The following EPHA3 variants were observed in gnomAD, a reference collection of about 807,000 sequenced individuals.
EPHA3 encodes the protein ephrin type-A receptor 3.
EPHA3 carries 42 observed loss-of-function variants against 107.1 expected under a neutral mutation model. That is an observed-to-expected ratio of 0.39 (90% CI 0.31 to 0.51). EPHA3 has a LOEUF of 0.51. Among genes scored for constraint, EPHA3 ranks in the 20% least tolerant of loss-of-function variants. The probability of loss-of-function intolerance (pLI) is 0.78; values close to 1 mark genes in which losing one functional copy is unlikely to be tolerated. For missense variants in EPHA3, 1,183 were observed against 1,211.2 expected, an observed-to-expected ratio of 0.98 and a Z score of 0.35; for synonymous variants, 461 against 424.8, an observed-to-expected ratio of 1.09 and a Z score of -1.05.
intron 3 of EPHA3, among the ~76,000 whole-genome samples, chr3:89,309,493 A>G (rs1381791114): frequency 1.3e-5 from 2 of 152,154 alleles, no homozygotes; most frequent in African/African-American, 4.8e-5. Context: ...TAGCCTCTCA[A>G]AGTCATGAGA....
chr3:89,469,110 C>T, intron 15 of EPHA3, among the ~76,000 whole-genome samples: 1 of 152,028 alleles, frequency 6.6e-6, no homozygotes, highest in East Asian at 1.9e-4. Context: ...TAAAACTAAA[C>T]TATATCAGAG....
At chr3:89,172,742 G>A (rs1378589829) in intron 2 of EPHA3, among the ~76,000 whole-genome samples, 4 of 152,094 alleles carry the variant, frequency 2.6e-5, no homozygotes, top group Non-Finnish European at 5.9e-5. Context: ...CACTCAGAAA[G>A]GTGATCTATT....
chr3:89,196,164 A>G (rs1455361443), intron 2 of EPHA3, among the ~76,000 whole-genome samples: 1 of 151,930 alleles, frequency 6.6e-6, no homozygotes, highest in African/African-American at 2.4e-5. Context: ...TTTTATTCAA[A>G]TAGTTCACCA....
At chr3:89,476,311 C>T (rs944633541) in intron 16 of EPHA3, among the ~76,000 whole-genome samples, 3 of 148,218 alleles carry the variant, frequency 2.0e-5, no homozygotes, top group African/African-American at 7.4e-5. Context: ...GGAATACACT[C>T]AGGAGGTGCA....
At chr3:89,129,390 T>G (rs1254837464) in intron 2 of EPHA3, among the ~76,000 whole-genome samples, 1 of 152,110 alleles carries the variant, frequency 6.6e-6, no homozygotes, top group Admixed American at 6.6e-5. Flanking sequence ...TTATCATTAT[T>G]ATTTGCAGGG....
At chr3:89,298,880 T>A (rs950704871) in intron 3 of EPHA3, among the ~76,000 whole-genome samples, 1 of 152,106 alleles carries the variant, frequency 6.6e-6, no homozygotes, top group Non-Finnish European at 1.5e-5. Context: ...GATAATTATA[T>A]GTTTAGAGAC....
At position 89,396,045 on chromosome 3, in the gene EPHA3, A is replaced by G. The variant is rs1400414259; in HGVS notation, c.1431+84A>G. The G allele has an allele frequency of 3.2e-6, 5 of 1,548,786 alleles. No homozygotes were observed. The East Asian group carries it at 6.8e-5, about 21-fold the overall frequency. On this transcript the variant is annotated intron_variant, in intron 6 of 16. Transcript: ENST00000336596. ...CTGTGCTCTTGCAAAGAAACCAGTGACATTCCTGGTAAATGGTAGAGCACT... is the reference window on the plus strand; with the variant it reads ...CTGTGCTCTTGCAAAGAAACCAGTGGCATTCCTGGTAAATGGTAGAGCACT...
At chr3:89,199,715 A>C (rs190037950) in intron 2 of EPHA3, among the ~76,000 whole-genome samples, 1 of 152,072 alleles carries the variant, frequency 6.6e-6, no homozygotes, top group Non-Finnish European at 1.5e-5. Context: ...ACTGACACAT[A>C]GTTTCTAGAA....
chr3:89,277,937 A>G (rs1422405080), intron 3 of EPHA3, among the ~76,000 whole-genome samples: 1 of 152,150 alleles, frequency 6.6e-6, no homozygotes, highest in African/African-American at 2.4e-5. Flanking sequence ...TTCTCATACC[A>G]GAGTCAGGAG....
intron 2 of EPHA3, among the ~76,000 whole-genome samples, chr3:89,178,406 C>T (rs1489947114): frequency 6.6e-6 from 1 of 151,942 alleles, no homozygotes; most frequent in African/African-American, 2.4e-5. Flanking sequence ...ATTACACATA[C>T]ATTATTGTTG....
intron 3 of EPHA3, among the ~76,000 whole-genome samples, chr3:89,222,326 CATATATATATATATAT>C (rs34438291): frequency 7.2e-6 from 1 of 138,536 alleles, no homozygotes; most frequent in South Asian, 2.3e-4. Flanking sequence ...AATACATATA[CATATATATATATATAT>C]ATATATATAT....
At chr3:89,453,902 T>C (rs541903956) in intron 15 of EPHA3, among the ~76,000 whole-genome samples, 1 of 152,246 alleles carries the variant, frequency 6.6e-6, no homozygotes, top group Admixed American at 6.6e-5. Context: ...AAAGGCAGTG[T>C]CCCTCTATTT....
chr3:89,446,338 A>G (rs1289384628), intron 13 of EPHA3, among the ~76,000 whole-genome samples: 3 of 152,176 alleles, frequency 2.0e-5, no homozygotes, highest in South Asian at 4.1e-4. Context: ...TGTATTTACA[A>G]CAGAGCAAAA....
At chr3:89,349,949 C>G (rs1172637087) in intron 5 of EPHA3, among the ~76,000 whole-genome samples, 1 of 149,404 alleles carries the variant, frequency 6.7e-6, no homozygotes, top group Non-Finnish European at 1.5e-5. Context: ...TTGGCCCCCA[C>G]TCTCTTCTGG....
intron 2 of EPHA3, among the ~76,000 whole-genome samples, chr3:89,143,267 T>C (rs1704470131): frequency 6.6e-6 from 1 of 151,520 alleles, no homozygotes; most frequent in Non-Finnish European, 1.5e-5. Context: ...TAAGCAATAA[T>C]TCAAATTAAA....
intron 1 of EPHA3, among the ~76,000 whole-genome samples, chr3:89,113,330 G>C (rs953752074): frequency 4.6e-5 from 7 of 151,712 alleles, no homozygotes; most frequent in Admixed American, 6.6e-5. Context: ...CAGTGTGTTC[G>C]GGGTGTGGAT....
chr3:89,376,145 A>G (rs1708399913), intron 5 of EPHA3, among the ~76,000 whole-genome samples: 1 of 151,974 alleles, frequency 6.6e-6, no homozygotes, highest in Non-Finnish European at 1.5e-5. Context: ...TTAATTTTAA[A>G]AAGACCCTAG....
At chr3:89,437,890 T>C (rs1709705440) in intron 13 of EPHA3, among the ~76,000 whole-genome samples, 1 of 152,154 alleles carries the variant, frequency 6.6e-6, no homozygotes, top group South Asian at 2.1e-4. Context: ...GAAAACAAAT[T>C]GAATTGTCCT....
At chr3:89,116,612 G>A (rs1356349527) in intron 1 of EPHA3, among the ~76,000 whole-genome samples, 1 of 151,292 alleles carries the variant, frequency 6.6e-6, no homozygotes, top group Non-Finnish European at 1.5e-5. Flanking sequence ...ATTAATTGCT[G>A]CAATAAATTC....
Sources: gnomAD v4.1 joint callset for allele counts (sites outside exome capture counted in the v4.1 genomes callset) on GRCh38, gnomAD v4.1.1 for gene constraint, MANE v1.5 for transcripts, NCBI Gene and HGNC (gene_info 2026-07-23, HGNC 2026-07-21) for gene names.